LOC730098: variants seen among roughly 807,000 people sequenced by gnomAD.
the LOC730098 span, chr9:34,665,872 C>T: frequency 1.7e-6 from 1 of 592,674 alleles, no homozygotes; most frequent in African/African-American, 1.9e-5. Flanking sequence ...GGAGGCCGGT[C>T]ATCTCCGGGG....
At chr9:34,665,581 G>GTTC in the LOC730098 span, 1 of 699,846 alleles carries the variant, frequency 1.4e-6, no homozygotes, top group South Asian at 1.5e-5. Flanking sequence ...GAGCCGCCTG[G>GTTC]TTCCTCCTCC....
the LOC730098 span, chr9:34,664,458 C>T: frequency 6.6e-6 from 1 of 152,508 alleles, no homozygotes; most frequent in Admixed American, 6.5e-5. Flanking sequence ...GTTAGTGGGT[C>T]CCAGGCTGAT....
At chr9:34,664,741 T>C in the LOC730098 span, 1 of 336,378 alleles carries the variant, frequency 3.0e-6, no homozygotes, top group Admixed American at 4.7e-5. Context: ...CAGAGAAGAT[T>C]CTTCAGACAG....
the LOC730098 span, chr9:34,665,882 G>A: frequency 1.7e-6 from 1 of 589,298 alleles, no homozygotes; most frequent in Non-Finnish European, 3.0e-6. Flanking sequence ...CATCTCCGGG[G>A]CCTGGGGCAT....
At chr9:34,665,434 G>T in the LOC730098 span, 1 of 697,058 alleles carries the variant, frequency 1.4e-6, no homozygotes, top group South Asian at 1.5e-5. Context: ...TGACCCTACA[G>T]ACTCCGCCCC....
At chr9:34,665,983 G>C in the LOC730098 span, 2 of 438,306 alleles carry the variant, frequency 4.6e-6, no homozygotes, top group Non-Finnish European at 4.1e-6. Context: ...GTCACCTGGA[G>C]GGGGGGCTGA....
the LOC730098 span, chr9:34,665,567 C>A: frequency 1.4e-6 from 1 of 700,588 alleles, no homozygotes; most frequent in Non-Finnish European, 2.6e-6. Flanking sequence ...CCTCCCCCAC[C>A]CCGGAGCCGC....
chr9:34,665,022 G>C, the LOC730098 span: 2 of 591,172 alleles, frequency 3.4e-6, no homozygotes, highest in African/African-American at 3.8e-5. Flanking sequence ...GGTCAGTACG[G>C]TGGGCTTCGG....
chr9:34,665,100 C>G, the LOC730098 span: 1 of 600,260 alleles, frequency 1.7e-6, no homozygotes, highest in Non-Finnish European at 3.0e-6. Context: ...AGCCACGACC[C>G]GAGCGCTGGG....
the LOC730098 span, chr9:34,665,578 C>T: frequency 8.6e-6 from 6 of 700,402 alleles, no homozygotes; most frequent in Non-Finnish European, 1.6e-5. Flanking sequence ...CCGGAGCCGC[C>T]TGGTTCCTCC....
chr9:34,665,309 C>T, the LOC730098 span: 3 of 702,220 alleles, frequency 4.3e-6, no homozygotes, highest in East Asian at 2.7e-5. Context: ...TCGCAGCCTC[C>T]TCACCTCCGC....
chr9:34,665,536 CT>C, the LOC730098 span: 25 of 687,606 alleles, frequency 3.6e-5, no homozygotes, highest in South Asian at 1.4e-4. Flanking sequence ...CTGCCCACCC[CT>C]CGCCCCCGCA....
chr9:34,665,636 C>T, the LOC730098 span: 1 of 701,432 alleles, frequency 1.4e-6, no homozygotes, highest in South Asian at 1.5e-5. Context: ...CCAGCGCCAC[C>T]TCGTATCTCC....
the LOC730098 span, chr9:34,665,571 G>A: frequency 4.8e-6 from 3 of 621,574 alleles, no homozygotes; most frequent in Admixed American, 2.2e-5. Flanking sequence ...CCCCACCCCG[G>A]AGCCGCCTGG....
chr9:34,665,896 G>C, the LOC730098 span: 5 of 581,546 alleles, frequency 8.6e-6, no homozygotes, highest in Admixed American at 9.4e-5. Flanking sequence ...GGGGCATTTA[G>C]GGGGCCAGGG....
the LOC730098 span, chr9:34,664,794 T>G: frequency 1.8e-5 from 7 of 385,570 alleles, no homozygotes; most frequent in East Asian, 3.8e-5. Context: ...ACAGGCAGGA[T>G]TATTTAGTTC....
chr9:34,665,813 G>A, the LOC730098 span: 1 of 624,528 alleles, frequency 1.6e-6, no homozygotes, highest in African/African-American at 1.8e-5. Flanking sequence ...TGCCACCACG[G>A]GACAGGGTGG....
At chr9:34,665,755 G>A in the LOC730098 span, 1 of 688,704 alleles carries the variant, frequency 1.5e-6, no homozygotes, top group South Asian at 1.5e-5. Flanking sequence ...GGACGAGGCT[G>A]CCCAGTTCTC....
At chr9:34,665,001 CAG>C in the LOC730098 span, 4 of 552,834 alleles carry the variant, frequency 7.2e-6, no homozygotes, top group Admixed American at 7.5e-5. Flanking sequence ...ACAGCGGCGG[CAG>C]AGTCAGGAGG....
Sources: gnomAD v4.1 joint callset for allele counts on GRCh38, gnomAD v4.1.1 for gene constraint, MANE v1.5 for transcripts.